The following DYNC2I2 variants were observed in gnomAD, a reference collection of about 807,000 sequenced individuals.
The protein encoded by DYNC2I2 is dynein 2 intermediate chain 2.
DYNC2I2 carries 39 observed loss-of-function variants against 52.0 expected under a neutral mutation model. That is an observed-to-expected ratio of 0.75 (90% CI 0.58 to 0.98). The LOEUF is 0.98. DYNC2I2 is among the 50% of genes least tolerant of loss of function. The pLI is 0.00. For synonymous variants in DYNC2I2, 359 were observed against 321.1 expected (o/e 1.12, Z -1.26); for missense variants, 743 against 728.4 (o/e 1.02, Z -0.23).
chr9:128,644,776 CCCTA>C (rs1860583074), intron 1 of DYNC2I2, among the ~76,000 whole-genome samples: 1 of 152,232 alleles, frequency 6.6e-6, no homozygotes. Flanking sequence ...GGGCCATTTT[CCCTA>C]CAGCATGCGC....
rs747533383 is a variant in DYNC2I2 at position 128,633,999 on chromosome 9, A to G, written c.1373-17T>C. 1 of 1,612,484 alleles carries G rather than the reference A, an allele frequency of 6.2e-7. No individual in the cohort carries two copies. On this transcript the variant is annotated splice_polypyrimidine_tract_variant and intron_variant, in intron 8 of 8. Coordinates refer to ENST00000372715, the MANE Select transcript of DYNC2I2 (RefSeq NM_052844.4). ...GCACGTCACCTGCAAAGAGAGACAG[A>G]TACGTGGAGTAAGAGAAACTCTAGA... is the stretch of plus-strand genomic sequence containing the variant.
At chr9:128,683,289 T>TC in the DYNC2I2 span, 1 of 178,100 alleles carries the variant, frequency 5.6e-6, no homozygotes, top group East Asian at 9.3e-5. Context: ...CTTTTTTTTT[T>TC]TTTTAAAGCA....
intron 1 of DYNC2I2, among the ~76,000 whole-genome samples, chr9:128,656,303 A>T (rs1860822631): frequency 6.6e-6 from 1 of 152,008 alleles, no homozygotes; most frequent in African/African-American, 2.4e-5. Flanking sequence ...GGATCCTTGG[A>T]GGTGTTTTGT....
At chr9:128,634,158 C>T (rs1050738609) in intron 8 of DYNC2I2, 68 bp downstream of exon 8, 2 of 1,598,636 alleles carry the variant, frequency 1.3e-6, no homozygotes, top group Non-Finnish European at 1.7e-6. Flanking sequence ...AACCCAGAAC[C>T]CCAGGTACAA....
Position 128,656,680 on chromosome 9 carries a change from G to C in DYNC2I2, c.47C>G (p.Ala16Gly), listed in dbSNP as rs765605740. The C allele has an allele frequency of 6.7e-7, 1 of 1,503,370 alleles. No homozygotes were observed. Among genetic ancestry groups the C allele is most frequent in the Non-Finnish European group, 8.8e-7 (1 of 1,136,230 alleles). The allele number at this position is 1,503,370 out of a possible 1,614,324, so 93.1% of individuals were successfully genotyped here. The change falls in exon 1 of 9, where the codon GCT (alanine) becomes GGT (glycine). Residue 16 changes from alanine to glycine, a missense_variant. Coordinates refer to ENST00000372715, the MANE Select transcript of DYNC2I2 (RefSeq NM_052844.4). ...QPGPLSQAGS[A>G]GVAALATVGV... is the part of the protein sequence containing the mutation. ...GACTGTCGCCAGCGCCGCAACACCA[G>C]CGCTTCCCGCCTGGCTGAGTGGCCC... is the stretch of plus-strand genomic sequence containing the variant.
chr9:128,679,823 G>A, the DYNC2I2 span, among the ~76,000 whole-genome samples: 6 of 151,764 alleles, frequency 4.0e-5, no homozygotes, highest in Non-Finnish European at 7.4e-5. Context: ...TTCCAGCCTG[G>A]GCAACAGGGA....
chr9:128,676,895 C>T, the DYNC2I2 span, among the ~76,000 whole-genome samples: 2 of 149,718 alleles, frequency 1.3e-5, no homozygotes, highest in Admixed American at 6.8e-5. Context: ...ATTGCCCAGG[C>T]TAGAATGCAG....
chr9:128,641,019 GC>G, intron 1 of DYNC2I2, 80 bp from the exon 2 acceptor site: 1 of 1,481,508 alleles, frequency 6.7e-7, no homozygotes, highest in Non-Finnish European at 8.9e-7. Flanking sequence ...TGCCCCTCCT[GC>G]TTGACCCCCT....
At chr9:128,680,385 T>A in the DYNC2I2 span, among the ~76,000 whole-genome samples, 3 of 147,968 alleles carry the variant, frequency 2.0e-5, no homozygotes, top group African/African-American at 7.5e-5. Context: ...TTATTATTAT[T>A]ATATTTTTTT....
rs762761726 is a variant in DYNC2I2, at chr9:128,656,695, C to CT, written c.31dup (p.Ser11LysfsTer94). On this transcript the variant is annotated frameshift_variant, in exon 1 of 9. Coordinates refer to ENST00000372715, the MANE Select transcript of DYNC2I2 (RefSeq NM_052844.4). LOFTEE classifies it high-confidence loss of function. ...CGCAACACCAGCGCTTCCCGCCTGGCTGAGTGGCCCCGGCTGCGCGCGGGT... is the reference window on the plus strand; with the variant it reads ...CGCAACACCAGCGCTTCCCGCCTGGCTTGAGTGGCCCCGGCTGCGCGCGGGT... 6.8e-7 allele frequency: 1 copy of CT among 1,478,844 alleles called. No homozygotes were observed. Among genetic ancestry groups the CT allele is most frequent in the African/African-American group, 1.5e-5 (1 of 68,286 alleles). The allele number at this position is 1,478,844 out of a possible 1,614,324, so 91.6% of individuals were successfully genotyped here. A position where few individuals can be genotyped will look rare whatever the true frequency, so the allele number is the denominator to read the frequency against.
intron 2 of DYNC2I2, among the ~76,000 whole-genome samples, chr9:128,639,485 G>T (rs1003877856): frequency 6.6e-6 from 1 of 152,090 alleles, no homozygotes; most frequent in Non-Finnish European, 1.5e-5. Context: ...CATTTACAGG[G>T]TCATGACTCT....
intron 1 of DYNC2I2, among the ~76,000 whole-genome samples, chr9:128,654,321 C>A (rs12378231): frequency 2.2e-4 from 34 of 152,150 alleles, no homozygotes; most frequent in Non-Finnish European, 2.1e-4. Flanking sequence ...TCTGCAGGTT[C>A]ATGCAGCAAG....
chr9:128,644,203 T>C (rs1860570569), intron 1 of DYNC2I2, among the ~76,000 whole-genome samples: 1 of 151,670 alleles, frequency 6.6e-6, no homozygotes, highest in Non-Finnish European at 1.5e-5. Flanking sequence ...ATGTTGGCAC[T>C]GAGGCACAGA....
In DYNC2I2 at chr9:128,633,687, G is replaced by T. The variant is rs982444311; in HGVS notation, c.*57C>A. 3 of 1,542,586 alleles carry T rather than the reference G, an allele frequency of 1.9e-6. No individual in the cohort carries two copies. The East Asian group carries it at 6.8e-5, about 35-fold the overall frequency. ...AGCTTTGCTTTTCTTCATTTGGCTT[G>T]CGTCAGAAACACAAGGCTCGGCACA... On this transcript the variant is annotated 3_prime_UTR_variant, in exon 9 of 9. Transcript: ENST00000372715.
At chr9:128,654,985 C>G (rs752428254) in intron 1 of DYNC2I2, among the ~76,000 whole-genome samples, 5 of 151,946 alleles carry the variant, frequency 3.3e-5, no homozygotes, top group Non-Finnish European at 5.9e-5. Flanking sequence ...CATGTAAGCT[C>G]GAGGAGGGAG....
At chr9:128,663,147 ATTAT>A in the DYNC2I2 span, 1 of 152,074 alleles carries the variant, frequency 6.6e-6, no homozygotes, top group African/African-American at 2.4e-5. Context: ...CTGCCAGTGG[ATTAT>A]TTATTTATCT....
In DYNC2I2 at chr9:128,656,668, G is replaced by A. The variant is rs1377064833; in HGVS notation, c.59C>T (p.Ala20Val). 4 of 1,509,912 alleles carry A rather than the reference G, an allele frequency of 2.6e-6. No individual in the cohort carries two copies. The highest frequency in any genetic ancestry group is 3.5e-6 in the Non-Finnish European group (4 of 1,138,376). The allele number at this position is 1,509,912 out of a possible 1,614,324, so 93.5% of individuals were successfully genotyped here. The change falls in exon 1 of 9, where the codon GCG becomes GTG. Residue 20 changes from alanine (A) to valine (V), a missense_variant. Transcript: ENST00000372715. ...LSQAGSAGVA[A>V]LATVGVASGP... Reference sequence around the variant, plus strand: ...GCTCGCAACCCCGACTGTCGCCAGCGCCGCAACACCAGCGCTTCCCGCCTG... The same window carrying A: ...GCTCGCAACCCCGACTGTCGCCAGCACCGCAACACCAGCGCTTCCCGCCTG...
rs34154610 is a variant in DYNC2I2 at position 128,649,688 on chromosome 9, C to CAAAAAAAAAAA, written c.186+6842_186+6852dup. Among the ~76,000 whole-genome samples the CAAAAAAAAAAA allele has an allele frequency of 2.1e-4, 10 of 47,226 alleles. 1 individual carries two copies. The highest frequency in any genetic ancestry group is 1.2e-3 in the African/African-American group (9 of 7,320). 31.0% of individuals were successfully genotyped at this position (47,226 alleles called of 152,430 possible). On this transcript the variant is annotated intron_variant, in intron 1 of 8. Coordinates refer to ENST00000372715, the MANE Select transcript of DYNC2I2 (RefSeq NM_052844.4). ...TGGGCAAGACAGTGAGACTCCATCT[C>CAAAAAAAAAAA]AAAAAAAAAAAAAAAAAAAAACTGG...
At chr9:128,645,317 A>G (rs999589208) in intron 1 of DYNC2I2, among the ~76,000 whole-genome samples, 1 of 152,090 alleles carries the variant, frequency 6.6e-6, no homozygotes, top group Non-Finnish European at 1.5e-5. Flanking sequence ...CCAACACAGC[A>G]AAACTCCATC....
Sources: gnomAD v4.1 joint callset for allele counts (sites outside exome capture counted in the v4.1 genomes callset) on GRCh38, gnomAD v4.1.1 for gene constraint, MANE v1.5 for transcripts, NCBI Gene and HGNC (gene_info 2026-07-23, HGNC 2026-07-21) for gene names.